TRIP11: variants seen among roughly 807,000 people sequenced by gnomAD.
TRIP11 encodes the protein thyroid hormone receptor interactor 11, also known as thyroid receptor-interacting protein 11.
Under a neutral mutation model 223.1 loss-of-function variants are expected in TRIP11, and 148 were observed. That is an observed-to-expected ratio of 0.66 (90% CI 0.58 to 0.76). The LOEUF is 0.76. Among genes scored for constraint, TRIP11 ranks in the 30% least tolerant of loss-of-function variants. TRIP11 has a pLI of 0.00. For synonymous variants in TRIP11, 762 were observed against 772.6 expected (o/e 0.99, Z 0.23); for missense variants, 2,043 against 2,222.0 (o/e 0.92, Z 1.62).
chr14:91,975,245 G>A lies in TRIP11; in HGVS notation c.5384C>T (p.Pro1795Leu), dbSNP rs1165999252. The change falls in exon 18 of 21, where the codon CCG becomes CTG. Residue 1795 changes from proline to leucine, a missense_variant. Physicochemically the swap from Pro to Leu is moderately conservative, Grantham distance 98 (BLOSUM62 -3). Transcript: ENST00000267622. Reference protein sequence around the residue: ...RNLFIGHFHTPKNQRHEVLRL... With the variant: ...RNLFIGHFHTLKNQRHEVLRL... ...TAACACTTCATGACGCTGATTTTTCGGTGTGTGGAAATGACCAATGAAGAG... is the reference window on the plus strand; with the variant it reads ...TAACACTTCATGACGCTGATTTTTCAGTGTGTGGAAATGACCAATGAAGAG... 1.2e-5 allele frequency: 20 copies of A among 1,613,494 alleles called. No individual in the cohort carries two copies. In the South Asian group the frequency reaches 1.6e-4, roughly 13 times the overall value.
chr14:92,013,988 T>C (rs556080465), intron 7 of TRIP11, among the ~76,000 whole-genome samples: 10 of 152,138 alleles, frequency 6.6e-5, no homozygotes, highest in Admixed American at 1.3e-4. Context: ...CTGTGATGAG[T>C]TACAGAAAGT....
intron 16 of TRIP11, among the ~76,000 whole-genome samples, chr14:91,986,303 C>G (rs953655116): frequency 6.6e-6 from 1 of 152,104 alleles, no homozygotes; most frequent in African/African-American, 2.4e-5. Flanking sequence ...TATCCCTTAC[C>G]CAAAATGCTT....
At chr14:92,012,289 C>A (rs1344981248) in intron 7 of TRIP11, among the ~76,000 whole-genome samples, 6 of 151,978 alleles carry the variant, frequency 3.9e-5, no homozygotes, top group Non-Finnish European at 8.8e-5. Flanking sequence ...ATAGATAGAT[C>A]TATAAAAAGA....
chr14:91,980,187 T>C (rs951373152), intron 16 of TRIP11, among the ~76,000 whole-genome samples: 1 of 152,226 alleles, frequency 6.6e-6, no homozygotes, highest in Non-Finnish European at 1.5e-5. Context: ...ATGTAATTGA[T>C]TGCAACAAAT....
chr14:92,003,315 G>T, intron 11 of TRIP11, 104 bp downstream of exon 11: 1 of 1,447,036 alleles, frequency 6.9e-7, no homozygotes, highest in Non-Finnish European at 9.4e-7. Flanking sequence ...ATTTCTAAAT[G>T]AACAAATGCA....
chr14:92,010,852 G>A, intron 9 of TRIP11, 134 bp downstream of exon 9: 1 of 869,648 alleles, frequency 1.1e-6, no homozygotes, highest in South Asian at 1.4e-5. Flanking sequence ...AGCCTGAAAA[G>A]CATCAGTGAG....
In TRIP11 at chr14:92,039,714, C is replaced by A. The variant is rs746388190; in HGVS notation, c.-29G>T. The A allele has an allele frequency of 6.2e-7, 1 of 1,604,036 alleles. No homozygotes were observed. The highest frequency in any genetic ancestry group is 8.5e-7 in the Non-Finnish European group (1 of 1,175,288). On this transcript the variant is annotated 5_prime_UTR_variant, in exon 1 of 21. Coordinates refer to ENST00000267622, the MANE Select transcript of TRIP11 (RefSeq NM_004239.4). ...GGCGAGTTTAGAGAACGACCCGGTCCGCTCGGAAAAAAGAAAACGTTTAGC... is the reference window on the plus strand; with the variant it reads ...GGCGAGTTTAGAGAACGACCCGGTCAGCTCGGAAAAAAGAAAACGTTTAGC...
chr14:91,969,682 T>C lies in TRIP11; in HGVS notation c.5931A>G (p.Leu1977=). 1.9e-6 allele frequency: 3 copies of C among 1,612,412 alleles called. No individual in the cohort carries two copies. In the South Asian group the frequency reaches 3.3e-5, roughly 18 times the overall value. The part of the protein sequence containing the change: ...NSAGVVLKDL[L]KQ ...CTGGCTTGAGAATCATCTATTGCTT[T>C]AAAAGGTCTTTCAGCACAACCCCAG... The change falls in exon 21 of 21, where the codon TTA becomes TTG. Residue 1977 remains leucine (L), a synonymous_variant. Coordinates refer to ENST00000267622, the MANE Select transcript of TRIP11 (RefSeq NM_004239.4).
chr14:91,981,012 ATTTTTTTTTTT>A lies in TRIP11; in HGVS notation c.5261-4834_5261-4824del, dbSNP rs564098716. Among the ~76,000 whole-genome samples, 56 of 49,930 alleles carry A rather than the reference ATTTTTTTTTTT, an allele frequency of 1.1e-3. 2 individuals are homozygous for A. The highest frequency in any genetic ancestry group is 3.8e-3 in the African/African-American group (56 of 14,910). The allele number at this position is 49,930 out of a possible 152,430, so 32.8% of individuals were successfully genotyped here. A position where few individuals can be genotyped will look rare whatever the true frequency, so the allele number is the denominator to read the frequency against. The stretch of plus-strand genomic sequence containing the variant: ...ATATTATATATATATATATATATAT[ATTTTTTTTTTT>A]TTTTTTTTTTTTTGAGACAGAGTCT... On this transcript the variant is annotated intron_variant, in intron 16 of 20. Transcript: ENST00000267622.
intron 8 of TRIP11, 97 bp downstream of exon 8, chr14:92,011,658 T>C (rs1370318586): frequency 1.1e-6 from 1 of 950,332 alleles, no homozygotes; most frequent in Non-Finnish European, 1.6e-6. Context: ...AAACAACTCT[T>C]TGAATCTCTT....
chr14:92,001,799 G>A (rs945619416), intron 11 of TRIP11, among the ~76,000 whole-genome samples: 3 of 152,200 alleles, frequency 2.0e-5, no homozygotes, highest in Admixed American at 1.3e-4. Context: ...ATTTGGGCTA[G>A]TGAACAATAG....
intron 19 of TRIP11, among the ~76,000 whole-genome samples, chr14:91,974,272 T>C (rs1391097275): frequency 6.6e-6 from 1 of 152,218 alleles, no homozygotes; most frequent in Non-Finnish European, 1.5e-5. Flanking sequence ...CAGTAAGTAT[T>C]CACTGGCTCA....
chr14:91,986,949 AT>A (rs2056611048), intron 16 of TRIP11, among the ~76,000 whole-genome samples: 1 of 152,282 alleles, frequency 6.6e-6, no homozygotes, highest in Admixed American at 6.5e-5. Context: ...ATAAATAACC[AT>A]TTTCCTGATA....
intron 3 of TRIP11, among the ~76,000 whole-genome samples, chr14:92,024,826 A>G (rs907178380): frequency 1.3e-5 from 2 of 152,226 alleles, no homozygotes; most frequent in Non-Finnish European, 2.9e-5. Context: ...GTAACATTAA[A>G]TTATATAATA....
intron 1 of TRIP11, among the ~76,000 whole-genome samples, chr14:92,034,159 A>G (rs1476947060): frequency 3.9e-5 from 6 of 152,076 alleles, no homozygotes; most frequent in Non-Finnish European, 8.8e-5. Context: ...ACGGTGGCTC[A>G]CCGCCTGTAA....
At chr14:91,977,549 T>C (rs908964471) in intron 16 of TRIP11, among the ~76,000 whole-genome samples, 3 of 152,158 alleles carry the variant, frequency 2.0e-5, no homozygotes, top group Non-Finnish European at 4.4e-5. Flanking sequence ...CATAAATGTA[T>C]GGTATATTTC....
intron 12 of TRIP11, 124 bp downstream of exon 12, chr14:91,999,844 G>C: frequency 7.7e-7 from 1 of 1,297,720 alleles, no homozygotes; most frequent in Non-Finnish European, 1.1e-6. Flanking sequence ...CTACTGCACA[G>C]CAGAGGAAGA....
chr14:92,020,258 A>G (rs2057093734), intron 4 of TRIP11, among the ~76,000 whole-genome samples: 1 of 152,080 alleles, frequency 6.6e-6, no homozygotes, highest in Admixed American at 6.5e-5. Flanking sequence ...TCTCAAAAAA[A>G]AAAAGAAAAG....
At chr14:92,027,571 C>T (rs1427877372) in intron 2 of TRIP11, among the ~76,000 whole-genome samples, 1 of 151,548 alleles carries the variant, frequency 6.6e-6, no homozygotes, top group Non-Finnish European at 1.5e-5. Context: ...CTAACAACAA[C>T]AACAAAAAGA....
Sources: allele counts gnomAD v4.1 joint callset (sites outside exome capture counted in the v4.1 genomes callset), GRCh38; gene constraint gnomAD v4.1.1; transcripts MANE v1.5; gene names NCBI Gene and HGNC (gene_info 2026-07-23, HGNC 2026-07-21).